EIF2B3: variants seen among roughly 807,000 people sequenced by gnomAD.
The protein encoded by EIF2B3 is translation initiation factor eIF2B subunit gamma.
EIF2B3 carries 20 observed loss-of-function variants against 54.1 expected under a neutral mutation model. That is an observed-to-expected ratio of 0.37 (90% CI 0.26 to 0.54). The LOEUF (loss-of-function observed/expected upper bound fraction) is 0.54, where lower values mean the gene tolerates loss of function less well. Ranked by LOEUF, EIF2B3 falls within the 20% of genes least tolerant of loss-of-function variation. The probability of loss-of-function intolerance (pLI) is 0.86; values close to 1 mark genes in which losing one functional copy is unlikely to be tolerated. For synonymous variants in EIF2B3, 153 were observed against 188.1 expected (o/e 0.81, Z 1.52); for missense variants, 448 against 547.8 (o/e 0.82, Z 1.82).
intron 3 of EIF2B3, among the ~76,000 whole-genome samples, chr1:44,964,131 C>CAAAA (rs36124141): frequency 4.4e-4 from 58 of 131,726 alleles, no homozygotes; most frequent in South Asian, 7.7e-4. Context: ...ATTTCTTGGC[C>CAAAA]AAAAAAAAAA....
intron 5 of EIF2B3, among the ~76,000 whole-genome samples, chr1:44,901,638 C>G (rs1643308629): frequency 6.6e-6 from 1 of 150,886 alleles, no homozygotes; most frequent in Non-Finnish European, 1.5e-5. Context: ...AGCTCACTGC[C>G]CCCTCAACCT....
chr1:44,971,106 G>C (rs561520868), intron 3 of EIF2B3, among the ~76,000 whole-genome samples: 1 of 152,202 alleles, frequency 6.6e-6, no homozygotes, highest in Non-Finnish European at 1.5e-5. Context: ...AGTCATGGCC[G>C]GGCGCAGTGG....
intron 5 of EIF2B3, among the ~76,000 whole-genome samples, chr1:44,919,210 C>T (rs1226540146): frequency 1.1e-4 from 16 of 152,128 alleles, no homozygotes; most frequent in Admixed American, 9.8e-4. Flanking sequence ...ATTAGCTGGG[C>T]GTGGTGGCAC....
In EIF2B3 at chr1:44,906,854, C is replaced by T. The variant is rs145369272; in HGVS notation, c.567-9410G>A. On this transcript the variant is annotated intron_variant, in intron 5 of 11. Transcript: ENST00000360403. ...ACAAATTTATATCTGAAGCATAGTC[C>T]TATCCTCTGAACACCGAGTCTATAT... 2.6e-5 allele frequency among the ~76,000 whole-genome samples: 4 copies of T among 152,282 alleles called. No individual in the cohort carries two copies. The East Asian group carries it at 7.7e-4, about 29-fold the overall frequency.
intron 6 of EIF2B3, among the ~76,000 whole-genome samples, chr1:44,885,721 T>A (rs1302025391): frequency 2.0e-5 from 3 of 151,896 alleles, no homozygotes; most frequent in Non-Finnish European, 4.4e-5. Context: ...TATAACAGAA[T>A]GTCATATAGG....
intron 3 of EIF2B3, among the ~76,000 whole-genome samples, chr1:44,953,285 C>A (rs183483222): frequency 6.6e-6 from 1 of 151,732 alleles, no homozygotes; most frequent in Non-Finnish European, 1.5e-5. Context: ...GAACCAGCCT[C>A]ACTCTGGTCC....
At chr1:44,921,935 G>A (rs1453102088) in intron 5 of EIF2B3, among the ~76,000 whole-genome samples, 1 of 148,880 alleles carries the variant, frequency 6.7e-6, no homozygotes, top group Non-Finnish European at 1.5e-5. Context: ...TTTTTTTTGA[G>A]ATGGAGTCTT....
At position 44,973,315 on chromosome 1, in the gene EIF2B3, G is replaced by A. The variant is rs552965969; in HGVS notation, c.294+5000C>T. On this transcript the variant is annotated intron_variant, in intron 3 of 11. Coordinates refer to ENST00000360403, the MANE Select transcript of EIF2B3 (RefSeq NM_020365.5). ...GCAACCCAAGTGTCCGTGGATGGATGAATGGCTAAGCAAAATGTGGCATAT... is the reference window on the plus strand; with the variant it reads ...GCAACCCAAGTGTCCGTGGATGGATAAATGGCTAAGCAAAATGTGGCATAT... 2.6e-5 allele frequency among the ~76,000 whole-genome samples: 4 copies of A among 152,312 alleles called. No homozygotes were observed. In the South Asian group the frequency reaches 6.2e-4, roughly 24 times the overall value.
rs71040529 is a variant in EIF2B3 at position 44,984,797 on chromosome 1, C to CTTTTTT, written c.-10+1690_-10+1695dup. 6.2e-3 allele frequency among the ~76,000 whole-genome samples: 546 copies of CTTTTTT among 88,510 alleles called. 31 individuals carry two copies. Among genetic ancestry groups the CTTTTTT allele is most frequent in the African/African-American group, 0.013 (245 of 18,580 alleles). 58.1% of individuals were successfully genotyped at this position (88,510 alleles called of 152,430 possible). On this transcript the variant is annotated intron_variant, in intron 1 of 11. Coordinates refer to ENST00000360403, the MANE Select transcript of EIF2B3 (RefSeq NM_020365.5). ...GTAAAGCAGACAAAATAATGTCCAT[C>CTTTTTT]TTTTTTTTTTTTTTTTTTTTGAGAC...
intron 5 of EIF2B3, among the ~76,000 whole-genome samples, chr1:44,904,803 A>G (rs1569676214): frequency 1.3e-5 from 2 of 152,326 alleles, no homozygotes; most frequent in Non-Finnish European, 1.5e-5. Flanking sequence ...ATGAGCCACC[A>G]TGTCCAGCCA....
chr1:44,896,059 A>G (rs1265515177), intron 6 of EIF2B3, among the ~76,000 whole-genome samples: 1 of 152,210 alleles, frequency 6.6e-6, no homozygotes, highest in African/African-American at 2.4e-5. Flanking sequence ...TTACCCTGCT[A>G]TCTAAAAAGC....
intron 3 of EIF2B3, among the ~76,000 whole-genome samples, chr1:44,967,689 A>T (rs1569862003): frequency 6.8e-6 from 1 of 146,148 alleles, no homozygotes; most frequent in East Asian, 2.1e-4. Flanking sequence ...GCAGTGAGCC[A>T]AGACTGTGCC....
chr1:44,896,197 G>A (rs1655964397), intron 6 of EIF2B3, among the ~76,000 whole-genome samples: 1 of 152,226 alleles, frequency 6.6e-6, no homozygotes, highest in African/African-American at 2.4e-5. Context: ...TGCTTAATAA[G>A]TATGTGTAGA....
At chr1:44,975,618 C>T (rs998700612) in intron 3 of EIF2B3, among the ~76,000 whole-genome samples, 2 of 152,124 alleles carry the variant, frequency 1.3e-5, no homozygotes, top group Admixed American at 1.3e-4. Context: ...GACCAAAAAT[C>T]GTTATGTGGC....
chr1:44,955,466 A>T (rs1392995329), intron 3 of EIF2B3, among the ~76,000 whole-genome samples: 1 of 152,228 alleles, frequency 6.6e-6, no homozygotes, highest in African/African-American at 2.4e-5. Flanking sequence ...CAAAGACTCC[A>T]CGACTAAAAC....
intron 6 of EIF2B3, among the ~76,000 whole-genome samples, chr1:44,889,466 G>C (rs2148910378): frequency 6.6e-6 from 1 of 152,120 alleles, no homozygotes; most frequent in Non-Finnish European, 1.5e-5. Context: ...GAACCTGGGA[G>C]GTGGAGGTTG....
chr1:44,942,410 T>TACACATATATATATACAC (rs1644041172), intron 3 of EIF2B3, among the ~76,000 whole-genome samples: 3 of 20,342 alleles, frequency 1.5e-4, no homozygotes, highest in Non-Finnish European at 2.9e-4. Context: ...TATATATATA[T>TACACATATATATATACAC]ATATATATTT....
At chr1:44,950,463 A>G (rs1173458063) in intron 3 of EIF2B3, among the ~76,000 whole-genome samples, 1 of 152,044 alleles carries the variant, frequency 6.6e-6, no homozygotes. Flanking sequence ...AGAAGTAACA[A>G]TTTTAGCATG....
intron 3 of EIF2B3, among the ~76,000 whole-genome samples, chr1:44,969,751 T>C (rs1210281374): frequency 6.6e-6 from 1 of 152,220 alleles, no homozygotes; most frequent in Non-Finnish European, 1.5e-5. Context: ...AAAATTTCCA[T>C]ATAAGAAGTT....
Sources: gnomAD v4.1 joint callset for allele counts (sites outside exome capture counted in the v4.1 genomes callset) on GRCh38, gnomAD v4.1.1 for gene constraint, MANE v1.5 for transcripts, NCBI Gene and HGNC (gene_info 2026-07-23, HGNC 2026-07-21) for gene names.